CNR1: variants seen among roughly 807,000 people sequenced by gnomAD.
The protein encoded by CNR1 is cannabinoid receptor 1, also known as cannabinoid receptor 1 (brain).
CNR1 carries 10 observed loss-of-function variants against 23.0 expected under a neutral mutation model. That is an observed-to-expected ratio of 0.43 (90% CI 0.27 to 0.74). CNR1 has a LOEUF of 0.74. Ranked by LOEUF, CNR1 falls within the 30% of genes least tolerant of loss-of-function variation. The pLI is 0.19. For synonymous variants in CNR1, 271 were observed against 255.2 expected (o/e 1.06, Z -0.59); for missense variants, 422 against 618.8 (o/e 0.68, Z 3.37).
intron 1 of CNR1, among the ~76,000 whole-genome samples, chr6:88,147,411 C>T (rs954505963): frequency 3.3e-5 from 5 of 152,120 alleles, no homozygotes; most frequent in East Asian, 1.9e-4. Flanking sequence ...CAATTGGGGA[C>T]GTACAGGATG....
rs1360471688 is a variant in CNR1, at chr6:88,141,031, A to G, written c.*2825T>C. On this transcript the variant is annotated 3_prime_UTR_variant, in exon 2 of 2. Transcript: ENST00000369501. ...CTTTCTGAACATGTGTGATGGTAAA[A>G]TGCATGGTCAGGGCAAGTACATCAT... is the stretch of plus-strand genomic sequence containing the variant. 1 of 152,308 alleles carries G rather than the reference A, an allele frequency of 6.6e-6. No homozygotes were observed. Among genetic ancestry groups the G allele is most frequent in the Non-Finnish European group, 1.5e-5 (1 of 68,036 alleles). The allele number at this position is 152,308 out of a possible 1,614,324, so 9.4% of individuals were successfully genotyped here.
intron 1 of CNR1, among the ~76,000 whole-genome samples, chr6:88,163,328 G>A (rs1395146377): frequency 1.3e-5 from 2 of 152,160 alleles, no homozygotes; most frequent in Non-Finnish European, 2.9e-5. Flanking sequence ...AGCATTCCTG[G>A]ATAGCTAGTT....
intron 1 of CNR1, among the ~76,000 whole-genome samples, chr6:88,148,101 T>C (rs2127835377): frequency 6.6e-6 from 1 of 152,328 alleles, no homozygotes; most frequent in African/African-American, 2.4e-5. Flanking sequence ...CTACACCAGA[T>C]GAATTTTAGT....
At chr6:88,147,314 A>G (rs1286759245) in intron 1 of CNR1, among the ~76,000 whole-genome samples, 1 of 152,114 alleles carries the variant, frequency 6.6e-6, no homozygotes, top group African/African-American at 2.4e-5. Flanking sequence ...CTGTGAAAAA[A>G]AGAGTCCTTG....
chr6:88,163,640 T>C (rs140475837), intron 1 of CNR1, among the ~76,000 whole-genome samples: 72 of 152,332 alleles, frequency 4.7e-4, no homozygotes, highest in African/African-American at 1.7e-3. Flanking sequence ...TAAACACTTA[T>C]CAACACAATC....
intron 1 of CNR1, among the ~76,000 whole-genome samples, chr6:88,151,060 T>C (rs892230620): frequency 2.0e-5 from 3 of 152,228 alleles, no homozygotes; most frequent in African/African-American, 4.8e-5. Flanking sequence ...TCTTATGGAC[T>C]GGTGACACTG....
chr6:88,151,343 G>A (rs1777507749), intron 1 of CNR1, among the ~76,000 whole-genome samples: 1 of 152,124 alleles, frequency 6.6e-6, no homozygotes, highest in Admixed American at 6.5e-5. Context: ...CTAAGACAGG[G>A]ATATTACCAT....
chr6:88,153,106 T>A (rs1023329161), intron 1 of CNR1, among the ~76,000 whole-genome samples: 2 of 152,244 alleles, frequency 1.3e-5, no homozygotes, highest in African/African-American at 2.4e-5. Context: ...TATCTTAATG[T>A]ATTAAATCCA....
intron 1 of CNR1, among the ~76,000 whole-genome samples, chr6:88,152,214 C>CAAAAAAAA (rs56141409): frequency 3.7e-5 from 3 of 81,590 alleles, no homozygotes; most frequent in African/African-American, 7.7e-5. Context: ...GACTCCGTCT[C>CAAAAAAAA]AAAAAAAAAA....
intron 1 of CNR1, among the ~76,000 whole-genome samples, chr6:88,146,388 G>A (rs1777186833): frequency 1.3e-5 from 2 of 152,322 alleles, no homozygotes; most frequent in South Asian, 4.1e-4. Flanking sequence ...TTACAGGTGT[G>A]AGCCACTGTG....
rs947412094 is a variant in CNR1 at position 88,142,356 on chromosome 6, G to A, written c.*1500C>T. The A allele has an allele frequency of 1.3e-5, 2 of 151,568 alleles. No individual in the cohort carries two copies. The highest frequency in any genetic ancestry group is 2.1e-4 in the South Asian group (1 of 4,806). 9.4% of individuals were successfully genotyped at this position (151,568 alleles called of 1,614,324 possible). A position where few individuals can be genotyped will look rare whatever the true frequency, so the allele number is the denominator to read the frequency against. On this transcript the variant is annotated 3_prime_UTR_variant, in exon 2 of 2. Coordinates refer to ENST00000369501, the MANE Select transcript of CNR1 (RefSeq NM_016083.6). ...TATATAGTGCATACTATCTACACAC[G>A]CTATTGAAAAATGTTACCATTGTTT...
At chr6:88,154,609 C>T (rs566416245) in intron 1 of CNR1, among the ~76,000 whole-genome samples, 168 of 152,080 alleles carry the variant, frequency 1.1e-3, no homozygotes, top group African/African-American at 3.7e-3. Context: ...GATGGAGTCT[C>T]GCTGTGTCAC....
Position 88,144,987 on chromosome 6 carries a change from G to C in CNR1, c.288C>G (p.Ile96Met). The C allele has an allele frequency of 6.2e-7, 1 of 1,614,156 alleles. No homozygotes were observed. The highest frequency in any genetic ancestry group is 8.5e-7 in the Non-Finnish European group (1 of 1,180,028). Residue 96 changes from isoleucine (I) to methionine (M), a missense_variant, in exon 2 of 2, where the codon ATC becomes ATG. Physicochemically the swap from Ile to Met is conservative, Grantham distance 10. Transcript: ENST00000369501. The surrounding 1 kb of genome is among the most constrained non-coding windows in gnomAD (Gnocchi z 7.8). ...TGTCCATGAAGTTCTCCCCACACTG[G>C]ATGTTCTCCTCATTCTCCTTGAAGG... Reference protein sequence around the residue: ...LSSFKENEENIQCGENFMDIE... With the variant: ...LSSFKENEENMQCGENFMDIE...
At chr6:88,153,804 G>C (rs1224463593) in intron 1 of CNR1, among the ~76,000 whole-genome samples, 3 of 152,338 alleles carry the variant, frequency 2.0e-5, no homozygotes, top group African/African-American at 7.2e-5. Context: ...AAGTCATGCT[G>C]TCAATATACA....
Position 88,144,373 on chromosome 6 carries a change from GC to G in CNR1, c.901del (p.Ala301LeufsTer8), listed in dbSNP as rs1330838556. On this transcript the variant is annotated frameshift_variant, in exon 2 of 2. Coordinates refer to ENST00000369501, the MANE Select transcript of CNR1 (RefSeq NM_016083.6). LOFTEE classifies it high-confidence loss of function. This position sits in a 1 kb window ranked among gnomAD's most constrained non-coding sequence, Gnocchi z 7.8. ...VYAYMYILWK[A>X]HSHAVRMIQR... Reference sequence around the variant, plus strand: ...AATCATGCGGACGGCGTGGCTGTGAGCCTTCCAGAGAATATACATGTACGCA... The same window carrying G: ...AATCATGCGGACGGCGTGGCTGTGAGCTTCCAGAGAATATACATGTACGCA... 6.2e-7 allele frequency: 1 copy of G among 1,613,958 alleles called. No homozygotes were observed. Among genetic ancestry groups the G allele is most frequent in the Non-Finnish European group, 8.5e-7 (1 of 1,180,022 alleles).
At chr6:88,163,458 A>C (rs1295539967) in intron 1 of CNR1, among the ~76,000 whole-genome samples, 1 of 152,236 alleles carries the variant, frequency 6.6e-6, no homozygotes, top group Non-Finnish European at 1.5e-5. Flanking sequence ...TACATAGCAA[A>C]GTATTTGATT....
rs1777289798 is a variant in CNR1, at chr6:88,147,859, C to T, written c.-63-2522G>A. On this transcript the variant is annotated intron_variant, in intron 1 of 1. Coordinates refer to ENST00000369501, the MANE Select transcript of CNR1 (RefSeq NM_016083.6). ...AGTTTCCTTTTCAGGCCCAGGCCCT[C>T]CAGACATGTATGCAACTCTCGTCTG... The T allele has an allele frequency of 2.0e-5, 3 of 152,578 alleles. No homozygotes were observed. In the South Asian group the frequency reaches 6.2e-4, roughly 32 times the overall value. The allele number at this position is 152,578 out of a possible 1,614,324, so 9.5% of individuals were successfully genotyped here.
chr6:88,148,378 G>A (rs1207414397), intron 1 of CNR1, among the ~76,000 whole-genome samples: 2 of 152,230 alleles, frequency 1.3e-5, no homozygotes, highest in African/African-American at 4.8e-5. Context: ...TAAGTTCACT[G>A]AAGATCTTAC....
At chr6:88,153,301 A>T (rs1777627366) in intron 1 of CNR1, among the ~76,000 whole-genome samples, 1 of 152,090 alleles carries the variant, frequency 6.6e-6, no homozygotes, top group Non-Finnish European at 1.5e-5. Context: ...GTTTTTTTTA[A>T]TGTTTATCCA....
Sources: allele counts gnomAD v4.1 joint callset (sites outside exome capture counted in the v4.1 genomes callset), GRCh38; gene constraint gnomAD v4.1.1; non-coding constraint Gnocchi (gnomAD v3.1); transcripts MANE v1.5; gene names NCBI Gene and HGNC (gene_info 2026-07-23, HGNC 2026-07-21).